SECISBP2L: variants seen among roughly 807,000 people sequenced by gnomAD.
SECISBP2L encodes SECIS binding protein 2 like.
A neutral mutation model predicts 114.7 loss-of-function variants in SECISBP2L; 43 were observed. The observed-to-expected ratio is 0.38, with a 90% CI of 0.29 to 0.48. The LOEUF is 0.48. Among genes scored for constraint, SECISBP2L ranks in the 20% least tolerant of loss-of-function variants. The probability of loss-of-function intolerance (pLI) is 0.98; values close to 1 mark genes in which losing one functional copy is unlikely to be tolerated. For synonymous variants in SECISBP2L, 451 were observed against 439.7 expected (o/e 1.03, Z -0.32); for missense variants, 1,136 against 1,301.1 (o/e 0.87, Z 1.95).
At chr15:49,011,525 G>T in intron 13 of SECISBP2L, 1 of 451,258 alleles carries the variant, frequency 2.2e-6, no homozygotes, top group Non-Finnish European at 3.8e-6. Flanking sequence ...AAATGTCATA[G>T]GCCTACTATA....
At chr15:49,021,607 A>C (rs1902640798) in intron 7 of SECISBP2L, among the ~76,000 whole-genome samples, 1 of 152,224 alleles carries the variant, frequency 6.6e-6, no homozygotes, top group Non-Finnish European at 1.5e-5. Context: ...AAACAGATGC[A>C]CACAAAGACC....
In SECISBP2L at chr15:49,046,411, T is replaced by A; in HGVS notation, c.-112A>T. On this transcript the variant is annotated 5_prime_UTR_variant, in exon 1 of 18. Coordinates refer to ENST00000559471, the MANE Select transcript of SECISBP2L (RefSeq NM_001193489.2). ...ACTGGGTTCCGGACCTCCGCCCCTA[T>A]CTGGCTGGCCGCGACACCGATTCGG... The A allele has an allele frequency of 8.3e-7, 1 of 1,207,032 alleles. No individual in the cohort carries two copies. Among genetic ancestry groups the A allele is most frequent in the South Asian group, 1.9e-5 (1 of 53,090 alleles). The allele number at this position is 1,207,032 out of a possible 1,614,324, so 74.8% of individuals were successfully genotyped here. A position where few individuals can be genotyped will look rare whatever the true frequency, so the allele number is the denominator to read the frequency against.
chr15:49,019,509 C>T lies in SECISBP2L; in HGVS notation c.1079G>A (p.Arg360Lys), dbSNP rs1442154970. 2 of 1,517,714 alleles carry T rather than the reference C, an allele frequency of 1.3e-6. No individual in the cohort carries two copies. The highest frequency in any genetic ancestry group is 5.1e-5 in the East Asian group (2 of 39,374). The allele number at this position is 1,517,714 out of a possible 1,614,324, so 94.0% of individuals were successfully genotyped here. A position where few individuals can be genotyped will look rare whatever the true frequency, so the allele number is the denominator to read the frequency against. ...CRGHSTSSER[R>K]QNLQKRPDNK... ...ATCTGGTCTCTTTTGCAAATTCTGT[C>T]TTCTTTCTGAGGAAGTACTGTGTCC... The change falls in exon 8 of 18, where the codon AGA becomes AAA. Residue 360 changes from arginine (R) to lysine (K), a missense_variant. By Grantham distance (26) the Arg-to-Lys change is conservative (BLOSUM62 2). Transcript: ENST00000559471.
intron 2 of SECISBP2L, 42 bp downstream of exon 2, chr15:49,037,549 T>C: frequency 1.9e-6 from 3 of 1,574,182 alleles, no homozygotes; most frequent in Non-Finnish European, 2.6e-6. Flanking sequence ...CCAGCTTTTA[T>C]AGCCACCCCC....
chr15:49,026,709 T>C (rs1566859892), intron 7 of SECISBP2L, among the ~76,000 whole-genome samples: 2 of 152,222 alleles, frequency 1.3e-5, no homozygotes, highest in Non-Finnish European at 2.9e-5. Context: ...CATGTCCATA[T>C]AGTCATATGA....
At chr15:49,030,074 C>G (rs1277955164) in intron 4 of SECISBP2L, among the ~76,000 whole-genome samples, 1 of 151,096 alleles carries the variant, frequency 6.6e-6, no homozygotes, top group Non-Finnish European at 1.5e-5. Flanking sequence ...AAACAAGACT[C>G]TCTTTGAACA....
Position 49,046,261 on chromosome 15 carries a change from C to G in SECISBP2L, c.24+15G>C. 1 of 1,562,414 alleles carries G rather than the reference C, an allele frequency of 6.4e-7. No individual in the cohort carries two copies. Among genetic ancestry groups the G allele is most frequent in the Non-Finnish European group, 8.6e-7 (1 of 1,157,142 alleles). On this transcript the variant is annotated intron_variant, in intron 1 of 17. Coordinates refer to ENST00000559471, the MANE Select transcript of SECISBP2L (RefSeq NM_001193489.2). ...CCAACCCCCGGCTCGGCGGGCCCAG[C>G]CCAAACCCGCGTACCTGCTCCGTGG...
rs774969483 is a variant in SECISBP2L, at chr15:48,992,479, G to C, written c.3071C>G (p.Thr1024Ser). ...NSRIESWVSE[T>S]QRTMETLQLG... ...CTGAAGGGTTTCCATAGTTCTCTGG[G>C]TCTCTGAGACCCAAGACTCAATTCT... The change falls in exon 18 of 18, where the codon ACC becomes AGC. Residue 1024 changes from threonine to serine, a missense_variant. Physicochemically the swap from Thr to Ser is moderately conservative, Grantham distance 58. This residue lies in a region of SECISBP2L where 684 missense variants were observed against 848.7 expected (regional missense o/e 0.81). Transcript: ENST00000559471. 1 of 1,614,076 alleles carries C rather than the reference G, an allele frequency of 6.2e-7. No homozygotes were observed. The highest frequency in any genetic ancestry group is 8.5e-7 in the Non-Finnish European group (1 of 1,180,016).
chr15:49,041,536 A>G (rs1903131952), intron 1 of SECISBP2L, among the ~76,000 whole-genome samples: 1 of 152,226 alleles, frequency 6.6e-6, no homozygotes, highest in African/African-American at 2.4e-5. Context: ...GTTAGGGAAA[A>G]TGGGCAAACA....
intron 17 of SECISBP2L, among the ~76,000 whole-genome samples, chr15:48,994,845 A>AG (rs1250419653): frequency 7.7e-5 from 3 of 38,932 alleles, no homozygotes; most frequent in African/African-American, 1.4e-4. Flanking sequence ...TGCTGGGGAA[A>AG]AAAAAAAAAA....
At chr15:49,043,726 C>G (rs573523215) in intron 1 of SECISBP2L, among the ~76,000 whole-genome samples, 1 of 150,788 alleles carries the variant, frequency 6.6e-6, no homozygotes, top group African/African-American at 2.4e-5. Context: ...ACAGAGAATA[C>G]TCTATAAAAA....
intron 14 of SECISBP2L, among the ~76,000 whole-genome samples, chr15:49,002,956 G>C (rs546173179): frequency 3.9e-5 from 6 of 152,200 alleles, no homozygotes; most frequent in African/African-American, 1.4e-4. Flanking sequence ...TCCATATGAA[G>C]TTTAAAGTAG....
At chr15:49,001,688 TA>T (rs1200658556) in intron 14 of SECISBP2L, 1 of 152,264 alleles carries the variant, frequency 6.6e-6, no homozygotes, top group African/African-American at 2.4e-5. Context: ...GTTCAACTCC[TA>T]CTTATGCGTG....
Position 49,028,561 on chromosome 15 carries a change from C to T in SECISBP2L, c.786G>A (p.Gly262=), listed in dbSNP as rs369123416. The T allele has an allele frequency of 2.5e-6, 4 of 1,614,082 alleles. No individual in the cohort carries two copies. The highest frequency in any genetic ancestry group is 1.3e-5 in the African/African-American group (1 of 75,012). Residue 262 remains glycine, a synonymous_variant, in exon 5 of 18, where the codon GGG becomes GGA. Transcript: ENST00000559471. ...HPTAESSSEQ[G]ASEADIDSDS... ...CACTGTCAATGTCGGCTTCACTAGC[C>T]CCCTGCTCACTAGAAGATTCAGCAG... is the stretch of plus-strand genomic sequence containing the variant.
intron 15 of SECISBP2L, among the ~76,000 whole-genome samples, chr15:49,000,474 C>A (rs181907296): frequency 6.6e-6 from 1 of 152,208 alleles, no homozygotes; most frequent in African/African-American, 2.4e-5. Flanking sequence ...AATAAGGATG[C>A]ATGATGTAGT....
At chr15:49,023,467 A>T (rs531584838) in intron 7 of SECISBP2L, among the ~76,000 whole-genome samples, 12 of 152,364 alleles carry the variant, frequency 7.9e-5, no homozygotes, top group South Asian at 2.1e-4. Context: ...ATTGTTGCTG[A>T]GGATGCAAAC....
At chr15:49,028,384 T>C in intron 5 of SECISBP2L, 69 bp downstream of exon 5, 5 of 1,437,032 alleles carry the variant, frequency 3.5e-6, no homozygotes, top group Non-Finnish European at 4.9e-6. Context: ...ACTTAAGCTT[T>C]AGCAGAGGAT....
chr15:49,011,072 T>A (rs1276109235), intron 13 of SECISBP2L, among the ~76,000 whole-genome samples: 1 of 152,250 alleles, frequency 6.6e-6, no homozygotes, highest in African/African-American at 2.4e-5. Flanking sequence ...TCAACTCATT[T>A]TTCTAAAAAC....
chr15:48,993,161 CTT>C (rs2141057531), intron 17 of SECISBP2L, among the ~76,000 whole-genome samples: 1 of 148,850 alleles, frequency 6.7e-6, no homozygotes, highest in African/African-American at 2.5e-5. Flanking sequence ...GGGTCTTGCT[CTT>C]TTAGGCTGGA....
Sources: gnomAD v4.1 joint callset for allele counts (sites outside exome capture counted in the v4.1 genomes callset) on GRCh38, gnomAD v4.1.1 for gene constraint, gnomAD v4.1.1 regional missense constraint, MANE v1.5 for transcripts, NCBI Gene and HGNC (gene_info 2026-07-23, HGNC 2026-07-21) for gene names.